TASP1: variants seen among roughly 807,000 people sequenced by gnomAD.
TASP1 encodes the protein taspase 1.
TASP1 carries 16 observed loss-of-function variants against 56.6 expected under a neutral mutation model. That is an observed-to-expected ratio of 0.28 (90% CI 0.19 to 0.43). The LOEUF (loss-of-function observed/expected upper bound fraction) is 0.43, where lower values mean the gene tolerates loss of function less well. Ranked by LOEUF, TASP1 falls within the 20% of genes least tolerant of loss-of-function variation. The pLI is 1.00. For missense variants in TASP1, 393 were observed against 511.6 expected, an observed-to-expected ratio of 0.77 and a Z score of 2.24; for synonymous variants, 179 against 184.2, an observed-to-expected ratio of 0.97 and a Z score of 0.23.
intron 8 of TASP1, among the ~76,000 whole-genome samples, chr20:13,551,913 C>T (rs1024322707): frequency 2.6e-5 from 4 of 152,202 alleles, no homozygotes; most frequent in East Asian, 1.9e-4. Flanking sequence ...AATGAGAGGC[C>T]ATGGCAATTT....
chr20:13,463,217 AT>A (rs1294710610), intron 11 of TASP1, among the ~76,000 whole-genome samples: 1 of 152,156 alleles, frequency 6.6e-6, no homozygotes, highest in African/African-American at 2.4e-5. Flanking sequence ...AAACACTCAT[AT>A]GTGTTTAATG....
chr20:13,389,441 T>C lies in TASP1; in HGVS notation c.*919A>G, dbSNP rs2041197733. The C allele has an allele frequency of 6.6e-6, 1 of 152,260 alleles. No homozygotes were observed. The highest frequency in any genetic ancestry group is 1.5e-5 in the Non-Finnish European group (1 of 68,038). The allele number at this position is 152,260 out of a possible 1,614,324, so 9.4% of individuals were successfully genotyped here. A position where few individuals can be genotyped will look rare whatever the true frequency, so the allele number is the denominator to read the frequency against. ...TAGTCTGAGAAGAGGAGTCACATAC[T>C]ATACCCAGTAATACGCTTCTTTTAT... On this transcript the variant is annotated 3_prime_UTR_variant, in exon 14 of 14. Coordinates refer to ENST00000337743, the MANE Select transcript of TASP1 (RefSeq NM_017714.3).
intron 11 of TASP1, among the ~76,000 whole-genome samples, chr20:13,471,174 A>T (rs1489749351): frequency 6.6e-6 from 1 of 152,194 alleles, no homozygotes; most frequent in African/African-American, 2.4e-5. Flanking sequence ...CAGGAAAAGG[A>T]GTAAAATTTT....
At chr20:13,596,541 C>T (rs182604566) in intron 4 of TASP1, among the ~76,000 whole-genome samples, 39 of 152,016 alleles carry the variant, frequency 2.6e-4, no homozygotes, top group African/African-American at 8.9e-4. Context: ...AGTGTGTAGA[C>T]GGAAATTTAT....
chr20:13,284,155 G>C, the TASP1 span, among the ~76,000 whole-genome samples: 1 of 152,224 alleles, frequency 6.6e-6, no homozygotes, highest in Non-Finnish European at 1.5e-5. Flanking sequence ...AGGGCAGCTG[G>C]TTAAAGCAAG....
chr20:13,565,668 A>C (rs1456853352), intron 7 of TASP1, among the ~76,000 whole-genome samples: 44 of 152,204 alleles, frequency 2.9e-4, no homozygotes, highest in Non-Finnish European at 5.9e-5. Context: ...TAGGATGCCA[A>C]CTATTTTTTA....
chr20:13,172,121 T>C, the TASP1 span, among the ~76,000 whole-genome samples: 1 of 152,078 alleles, frequency 6.6e-6, no homozygotes. Context: ...AATATCCATC[T>C]AATAAAAACT....
chr20:13,569,684 T>A (rs1392050927), intron 6 of TASP1, 98 bp from the exon 7 acceptor site: 1 of 984,692 alleles, frequency 1.0e-6, no homozygotes, highest in Non-Finnish European at 1.5e-6. Context: ...AGAAAAAGTC[T>A]TGCATATGGA....
At chr20:13,114,156 C>T in the TASP1 span, among the ~76,000 whole-genome samples, 1 of 152,192 alleles carries the variant, frequency 6.6e-6, no homozygotes, top group Admixed American at 6.5e-5. Context: ...ACCCATTTGA[C>T]CTTTACCATT....
At chr20:13,353,498 ATGT>A in the TASP1 span, among the ~76,000 whole-genome samples, 1,372 of 152,352 alleles carry the variant, frequency 9.0e-3, 22 homozygotes, top group African/African-American at 0.031. Context: ...AAGTAAATAA[ATGT>A]ATGTATAAGG....
the TASP1 span, among the ~76,000 whole-genome samples, chr20:13,351,815 C>T: frequency 6.6e-6 from 1 of 152,142 alleles, no homozygotes; most frequent in Non-Finnish European, 1.5e-5. Flanking sequence ...AGCTTTGTGT[C>T]ACCATAGAAC....
intron 13 of TASP1, among the ~76,000 whole-genome samples, chr20:13,400,201 T>G (rs2041686329): frequency 6.6e-6 from 1 of 152,226 alleles, no homozygotes; most frequent in Admixed American, 6.5e-5. Context: ...CCCAGAAAAG[T>G]ACCTCAATAT....
the TASP1 span, among the ~76,000 whole-genome samples, chr20:13,352,311 G>C: frequency 6.6e-6 from 1 of 151,992 alleles, no homozygotes; most frequent in African/African-American, 2.4e-5. Context: ...GTAGCCAGGC[G>C]TGGTGGAGCA....
chr20:13,406,357 A>T (rs970571596), intron 13 of TASP1, among the ~76,000 whole-genome samples: 7 of 152,214 alleles, frequency 4.6e-5, no homozygotes, highest in African/African-American at 1.7e-4. Flanking sequence ...GCAAGGTTTT[A>T]TAGTTTTCAG....
At chr20:13,596,517 G>GA (rs1256279322) in intron 4 of TASP1, among the ~76,000 whole-genome samples, 2 of 152,162 alleles carry the variant, frequency 1.3e-5, no homozygotes, top group Non-Finnish European at 2.9e-5. Flanking sequence ...GAATCTCTGG[G>GA]ACACATTTAA....
chr20:13,625,477 CA>C (rs2048857834), intron 2 of TASP1, among the ~76,000 whole-genome samples: 1 of 152,170 alleles, frequency 6.6e-6, no homozygotes, highest in South Asian at 2.1e-4. Flanking sequence ...AAAAATAGCT[CA>C]TGTCCCCAAA....
intron 12 of TASP1, among the ~76,000 whole-genome samples, chr20:13,421,123 T>G (rs1285742227): frequency 6.6e-6 from 1 of 150,546 alleles, no homozygotes; most frequent in Admixed American, 6.6e-5. Flanking sequence ...TTTTTTTTTT[T>G]TTTTTTTAAG....
the TASP1 span, among the ~76,000 whole-genome samples, chr20:13,159,326 T>A: frequency 2.0e-5 from 3 of 152,198 alleles, no homozygotes; most frequent in Non-Finnish European, 1.5e-5. Flanking sequence ...CCATTCCTCT[T>A]AAACTCAGTT....
At chr20:13,339,186 T>C in the TASP1 span, among the ~76,000 whole-genome samples, 399 of 152,276 alleles carry the variant, frequency 2.6e-3, no homozygotes, top group Non-Finnish European at 3.7e-3. Context: ...TTGAATCCCA[T>C]TGGCCTGGTA....
Sources: gnomAD v4.1 joint callset for allele counts (sites outside exome capture counted in the v4.1 genomes callset) on GRCh38, gnomAD v4.1.1 for gene constraint, MANE v1.5 for transcripts, NCBI Gene and HGNC (gene_info 2026-07-23, HGNC 2026-07-21) for gene names.